Variants in FMN1 observed in about 807,000 individuals in gnomAD.
FMN1 encodes formin 1, also known as formin-1.
A neutral mutation model predicts 132.4 loss-of-function variants in FMN1; 110 were observed. The ratio of observed to expected loss-of-function variants is 0.83; its 90% CI spans 0.71 to 0.97. FMN1 has a LOEUF of 0.97. Among genes scored for constraint, FMN1 ranks in the 50% least tolerant of loss-of-function variants. The pLI, the probability that FMN1 is intolerant of heterozygous loss-of-function variation, is 0.00. For missense variants in FMN1, 1,792 were observed against 1,705.3 expected (o/e 1.05, Z -0.90); for synonymous variants, 722 against 651.7 (o/e 1.11, Z -1.64).
intron 6 of FMN1, among the ~76,000 whole-genome samples, chr15:33,025,423 T>A (rs2035620456): frequency 6.6e-6 from 1 of 152,204 alleles, no homozygotes; most frequent in South Asian, 2.1e-4. Flanking sequence ...TTGCAAAAAA[T>A]TGATGATTCA....
At chr15:33,106,017 T>C (rs1451667356) in intron 4 of FMN1, 10 of 152,180 alleles carry the variant, frequency 6.6e-5, no homozygotes, top group Admixed American at 5.9e-4. Context: ...GTCCATCCCA[T>C]GATTGTTCTG....
intron 4 of FMN1, among the ~76,000 whole-genome samples, chr15:33,137,715 A>G (rs1486564272): frequency 6.6e-6 from 1 of 152,194 alleles, no homozygotes; most frequent in Non-Finnish European, 1.5e-5. Context: ...GCTTCTCTAC[A>G]TGATTACAGA....
At position 32,838,605 on chromosome 15, in the gene FMN1, C is replaced by T. The variant is rs540971022; in HGVS notation, c.3928+18410G>A. ...TGCCCGCTTAAAGCCCCGCTTAAAG[C>T]GGGAGGGCAAAAATCTCCTGCAACT... is the stretch of plus-strand genomic sequence containing the variant. On this transcript the variant is annotated intron_variant, in intron 17 of 20. Coordinates refer to ENST00000616417, the MANE Select transcript of FMN1 (RefSeq NM_001277313.2). 7.9e-5 allele frequency among the ~76,000 whole-genome samples: 12 copies of T among 152,274 alleles called. 1 individual carries two copies. The highest frequency in any genetic ancestry group is 1.9e-4 in the East Asian group (1 of 5,182).
intron 2 of FMN1, among the ~76,000 whole-genome samples, chr15:33,190,766 G>A (rs1847738876): frequency 6.6e-6 from 1 of 152,166 alleles, no homozygotes; most frequent in Non-Finnish European, 1.5e-5. Flanking sequence ...CATCATAAAG[G>A]TGTCTCCTGC....
chr15:32,923,595 A>C (rs1306441951), intron 10 of FMN1, among the ~76,000 whole-genome samples: 1 of 152,238 alleles, frequency 6.6e-6, no homozygotes, highest in East Asian at 1.9e-4. Context: ...TACAGTCAAC[A>C]TTCGGACGCT....
At chr15:33,012,689 G>C (rs2034796686) in intron 6 of FMN1, 10 of 808,862 alleles carry the variant, frequency 1.2e-5, no homozygotes, top group Non-Finnish European at 1.7e-5. Flanking sequence ...GCTTCATCCA[G>C]CCAAAGAGGA....
chr15:32,908,582 T>C lies in FMN1; in HGVS notation c.3289-4A>G. ...CCAGCTCATCCTCTTGGGCTCTCTG[T>C]ATCAAAATAGAAAACAAAACCAAAA... is the stretch of plus-strand genomic sequence containing the variant. On this transcript the variant is annotated splice_region_variant and splice_polypyrimidine_tract_variant and intron_variant, in intron 11 of 20. Coordinates refer to ENST00000616417, the MANE Select transcript of FMN1 (RefSeq NM_001277313.2). 2.1e-6 allele frequency: 3 copies of C among 1,430,894 alleles called. No homozygotes were observed. The highest frequency in any genetic ancestry group is 2.8e-6 in the Non-Finnish European group (3 of 1,058,312). The allele number at this position is 1,430,894 out of a possible 1,614,324, so 88.6% of individuals were successfully genotyped here. A position where few individuals can be genotyped will look rare whatever the true frequency, so the allele number is the denominator to read the frequency against.
rs146573548 is a variant in FMN1, at chr15:32,979,602, G to A, written c.2224-10125C>T. Among the ~76,000 whole-genome samples the A allele has an allele frequency of 3.3e-3, 488 of 147,374 alleles. 6 individuals are homozygous for A. The highest frequency in any genetic ancestry group is 0.012 in the African/African-American group (473 of 39,892). ...AAAGAAACCATTCATACTTTCAGAAGCTCACATTCTAGGTAGAAACAGTAA... is the reference window on the plus strand; with the variant it reads ...AAAGAAACCATTCATACTTTCAGAAACTCACATTCTAGGTAGAAACAGTAA... On this transcript the variant is annotated intron_variant, in intron 7 of 20. Coordinates refer to ENST00000616417, the MANE Select transcript of FMN1 (RefSeq NM_001277313.2).
intron 4 of FMN1, among the ~76,000 whole-genome samples, chr15:33,124,768 CCTT>C (rs1309510083): frequency 1.3e-5 from 2 of 151,842 alleles, no homozygotes; most frequent in African/African-American, 4.8e-5. Context: ...CCTTTGTGCT[CCTT>C]AATTTTGGAT....
rs113837083 is a variant in FMN1, at chr15:32,879,806, T to C, written c.3835+8366A>G. On this transcript the variant is annotated intron_variant, in intron 16 of 20. Transcript: ENST00000616417. ...GTACTATTTTCAACACACCAGCCTC[T>C]GTCATTGAAACTTAACAAATTCACA... 5.3e-5 allele frequency among the ~76,000 whole-genome samples: 8 copies of C among 152,348 alleles called. 1 individual carries two copies. Among genetic ancestry groups the C allele is most frequent in the African/African-American group, 1.9e-4 (8 of 41,584 alleles).
chr15:33,174,868 G>A (rs1232864860), intron 3 of FMN1, among the ~76,000 whole-genome samples: 1 of 152,182 alleles, frequency 6.6e-6, no homozygotes, highest in African/African-American at 2.4e-5. Context: ...TTTCCAACAA[G>A]CCAAGTGCAA....
chr15:33,143,325 T>C (rs1335944654), intron 4 of FMN1, among the ~76,000 whole-genome samples: 1 of 152,186 alleles, frequency 6.6e-6, no homozygotes, highest in Non-Finnish European at 1.5e-5. Flanking sequence ...TTGTTTAACA[T>C]AGGAAAAATG....
intron 6 of FMN1, among the ~76,000 whole-genome samples, chr15:33,044,476 G>C (rs1362382998): frequency 1.1e-4 from 16 of 152,152 alleles, no homozygotes; most frequent in Admixed American, 1.0e-3. Flanking sequence ...GACTCAGCCA[G>C]ACTCAAAAAG....
At chr15:33,144,317 T>A (rs1293566355) in intron 4 of FMN1, among the ~76,000 whole-genome samples, 1 of 152,118 alleles carries the variant, frequency 6.6e-6, no homozygotes, top group Admixed American at 6.5e-5. Context: ...GCCCTCAAGT[T>A]TTTTTATTAA....
chr15:32,783,537 A>T (rs1023688895), intron 19 of FMN1, among the ~76,000 whole-genome samples: 1 of 151,960 alleles, frequency 6.6e-6, no homozygotes, highest in Non-Finnish European at 1.5e-5. Context: ...ATGAAGTCAG[A>T]TCGAAACCAT....
At chr15:32,976,820 G>C (rs2032244565) in intron 7 of FMN1, among the ~76,000 whole-genome samples, 1 of 152,156 alleles carries the variant, frequency 6.6e-6, no homozygotes, top group African/African-American at 2.4e-5. Flanking sequence ...AAATGGTGCT[G>C]ACCTCAAGTA....
intron 4 of FMN1, among the ~76,000 whole-genome samples, chr15:33,101,613 C>T (rs1325161903): frequency 1.3e-5 from 2 of 152,202 alleles, no homozygotes; most frequent in African/African-American, 4.8e-5. Flanking sequence ...GTCTGAAGCA[C>T]AAAATAAATT....
intron 4 of FMN1, among the ~76,000 whole-genome samples, chr15:33,112,747 T>G (rs937572506): frequency 1.3e-5 from 2 of 152,184 alleles, no homozygotes; most frequent in African/African-American, 4.8e-5. Flanking sequence ...TTTAGGATAT[T>G]TTCCCTGTTC....
rs551041264 is a variant in FMN1, at chr15:33,170,621, C to T, written c.-132+9577G>A. On this transcript the variant is annotated intron_variant, in intron 3 of 20. Coordinates refer to ENST00000616417, the MANE Select transcript of FMN1 (RefSeq NM_001277313.2). ...GAATATTTCTCAAAAGACATACAAA[C>T]GCCCAACAGGTATATGAAAAAATGT... 4.5e-4 allele frequency among the ~76,000 whole-genome samples: 68 copies of T among 150,122 alleles called. 1 individual carries two copies. In the Middle Eastern group the frequency reaches 0.018, roughly 39 times the overall value.
Sources: allele counts gnomAD v4.1 joint callset (sites outside exome capture counted in the v4.1 genomes callset), GRCh38; gene constraint gnomAD v4.1.1; transcripts MANE v1.5; gene names NCBI Gene and HGNC (gene_info 2026-07-23, HGNC 2026-07-21).